SDK1: variants seen among roughly 807,000 people sequenced by gnomAD.
SDK1 encodes the protein sidekick cell adhesion molecule 1, also known as protein sidekick-1.
Under a neutral mutation model 245.5 loss-of-function variants are expected in SDK1, and 157 were observed. That is an observed-to-expected ratio of 0.64 (90% CI 0.56 to 0.73). The LOEUF (loss-of-function observed/expected upper bound fraction) is 0.73. Ranked by LOEUF, SDK1 falls within the 30% of genes least tolerant of loss-of-function variation. The pLI is 0.00. For missense variants in SDK1, 3,583 were observed against 3,002.3 expected (o/e 1.19, Z -4.52); for synonymous variants, 1,647 against 1,278.5 (o/e 1.29, Z -6.15).
At chr7:3,359,966 ACACT>A (rs1780908839) in intron 1 of SDK1, among the ~76,000 whole-genome samples, 1 of 152,222 alleles carries the variant, frequency 6.6e-6, no homozygotes, top group African/African-American at 2.4e-5. Context: ...AGCAACAGAC[ACACT>A]CACAAAGAAA....
intron 1 of SDK1, among the ~76,000 whole-genome samples, chr7:3,528,006 T>G (rs1467986027): frequency 0.013 from 714 of 54,874 alleles, no homozygotes; most frequent in Middle Eastern, 0.061. Context: ...TAGCTAGGGG[T>G]TGAGTGGTGG....
Position 3,958,951 on chromosome 7 carries a change from G to C in SDK1, c.1171G>C (p.Glu391Gln). ...TGAAGAGCCACCATATTTTACTGCT[G>C]AGCCCGAGAGTCGGATTTCAGCTGA... ...FIIEPPYFTA[E>Q]PESRISAEVE... The change falls in exon 8 of 45, where the codon GAG (glutamate) becomes CAG (glutamine). Residue 391 changes from glutamate (E) to glutamine (Q), a missense_variant. Coordinates refer to ENST00000404826, the MANE Select transcript of SDK1 (RefSeq NM_152744.4). The C allele has an allele frequency of 1.9e-6, 3 of 1,613,904 alleles. No individual in the cohort carries two copies. The highest frequency in any genetic ancestry group is 2.2e-5 in the East Asian group (1 of 44,880).
At chr7:3,553,902 C>T (rs1024098493) in intron 1 of SDK1, among the ~76,000 whole-genome samples, 1 of 152,208 alleles carries the variant, frequency 6.6e-6, no homozygotes, top group African/African-American at 2.4e-5. Flanking sequence ...GCAGCATCAG[C>T]AGGGACCCGT....
chr7:3,535,306 TAA>T (rs1778846858), intron 1 of SDK1, among the ~76,000 whole-genome samples: 1 of 152,152 alleles, frequency 6.6e-6, no homozygotes, highest in Non-Finnish European at 1.5e-5. Flanking sequence ...TGTTAGGCTA[TAA>T]AGAGTCCCTT....
chr7:3,515,702 G>A (rs957547341), intron 1 of SDK1, among the ~76,000 whole-genome samples: 4 of 152,146 alleles, frequency 2.6e-5, no homozygotes, highest in African/African-American at 9.7e-5. Context: ...AAAGAGAAAT[G>A]TTGATGTAAA....
intron 5 of SDK1, among the ~76,000 whole-genome samples, chr7:3,930,253 C>A (rs1042530221): frequency 1.3e-5 from 2 of 152,186 alleles, no homozygotes; most frequent in Non-Finnish European, 2.9e-5. Flanking sequence ...TAACTCACCA[C>A]GTGCTGGAAA....
intron 1 of SDK1, among the ~76,000 whole-genome samples, chr7:3,523,627 G>C (rs779982595): frequency 6.6e-6 from 1 of 152,114 alleles, no homozygotes; most frequent in Non-Finnish European, 1.5e-5. Context: ...CCAAGCATTT[G>C]TGATACCTCA....
intron 5 of SDK1, among the ~76,000 whole-genome samples, chr7:3,830,725 G>A (rs571761021): frequency 5.3e-5 from 8 of 152,170 alleles, no homozygotes; most frequent in South Asian, 4.1e-4. Flanking sequence ...TCTTGAACTC[G>A]GGCTCAAACA....
rs73303065 is a variant in SDK1 at position 3,530,481 on chromosome 7, T to C, written c.299-88599T>C. 2.3e-3 allele frequency among the ~76,000 whole-genome samples: 350 copies of C among 152,330 alleles called. 2 individuals carry two copies. The highest frequency in any genetic ancestry group is 7.9e-3 in the African/African-American group (330 of 41,576). The stretch of plus-strand genomic sequence containing the variant: ...TGTGCAATAACCTACAGAAAACATC[T>C]ACTGATAATGGGTTCTCAAAATGTA... On this transcript the variant is annotated intron_variant, in intron 1 of 44. Coordinates refer to ENST00000404826, the MANE Select transcript of SDK1 (RefSeq NM_152744.4).
At chr7:3,387,220 G>GT (rs2128568774) in intron 1 of SDK1, among the ~76,000 whole-genome samples, 1 of 152,144 alleles carries the variant, frequency 6.6e-6, no homozygotes. Flanking sequence ...GCCTACTGAG[G>GT]TTTTTCCTAG....
At chr7:3,362,038 G>A (rs1298484852) in intron 1 of SDK1, among the ~76,000 whole-genome samples, 5 of 152,128 alleles carry the variant, frequency 3.3e-5, no homozygotes, top group African/African-American at 4.8e-5. Context: ...TTATTATTGC[G>A]ATTTTAAAGC....
chr7:4,051,634 T>G lies in SDK1; in HGVS notation c.2719-4T>G. On this transcript the variant is annotated splice_region_variant and splice_polypyrimidine_tract_variant and intron_variant, in intron 18 of 44. Transcript: ENST00000404826. ...GCTGTCTTTTTCACCCTGTTCCATC[T>G]CAGCTTCTGGCATGGCCGGCAGATG... The G allele has an allele frequency of 6.2e-7, 1 of 1,609,570 alleles. No individual in the cohort carries two copies.
At chr7:3,428,359 C>G (rs953555756) in intron 1 of SDK1, among the ~76,000 whole-genome samples, 2 of 152,130 alleles carry the variant, frequency 1.3e-5, no homozygotes. Flanking sequence ...ATTTATGCAT[C>G]TCAGAACTGT....
chr7:4,086,373 T>C (rs1394926143), intron 22 of SDK1, among the ~76,000 whole-genome samples: 1 of 152,196 alleles, frequency 6.6e-6, no homozygotes, highest in Admixed American at 6.5e-5. Context: ...AGGTCAGAAG[T>C]CCAGCATGGG....
chr7:3,803,393 C>T (rs1001183687), intron 4 of SDK1, among the ~76,000 whole-genome samples: 1 of 151,488 alleles, frequency 6.6e-6, no homozygotes. Context: ...TCACTGCAAC[C>T]TCCACCTCTG....
intron 29 of SDK1, among the ~76,000 whole-genome samples, chr7:4,146,692 A>C (rs533421129): frequency 7.9e-4 from 121 of 152,234 alleles, no homozygotes; most frequent in Non-Finnish European, 1.5e-3. Context: ...GCAGGTGCTC[A>C]GTAAGTAAGT....
intron 42 of SDK1, among the ~76,000 whole-genome samples, chr7:4,241,549 G>A (rs991750717): frequency 6.6e-6 from 1 of 152,200 alleles, no homozygotes; most frequent in African/African-American, 2.4e-5. Context: ...AAGAATACTG[G>A]TATTTTGGGA....
chr7:3,633,874 C>T lies in SDK1; in HGVS notation c.459-5130C>T, dbSNP rs541004942. 2.2e-3 allele frequency among the ~76,000 whole-genome samples: 339 copies of T among 152,178 alleles called. 2 individuals carry two copies. The highest frequency in any genetic ancestry group is 6.8e-3 in the Middle Eastern group (2 of 294). Reference sequence around the variant, plus strand: ...CCACAGTCACTCTGGAACTGGTCCTCTGAGGGTCCTGCTGCTGGCCCCACC... The same window carrying T: ...CCACAGTCACTCTGGAACTGGTCCTTTGAGGGTCCTGCTGCTGGCCCCACC... On this transcript the variant is annotated intron_variant, in intron 2 of 44. Coordinates refer to ENST00000404826, the MANE Select transcript of SDK1 (RefSeq NM_152744.4).
At chr7:4,123,472 G>C (rs924878443) in intron 25 of SDK1, among the ~76,000 whole-genome samples, 1 of 152,138 alleles carries the variant, frequency 6.6e-6, no homozygotes, top group Admixed American at 6.5e-5. Context: ...TGGGAGCTCT[G>C]TGCAGGCCCA....
Sources: allele counts gnomAD v4.1 joint callset (sites outside exome capture counted in the v4.1 genomes callset), GRCh38; gene constraint gnomAD v4.1.1; transcripts MANE v1.5; gene names NCBI Gene and HGNC (gene_info 2026-07-23, HGNC 2026-07-21).